TBCD: variants seen among roughly 807,000 people sequenced by gnomAD.
TBCD encodes the protein tubulin folding cofactor D.
A neutral mutation model predicts 169.3 loss-of-function variants in TBCD; 105 were observed. The ratio of observed to expected loss-of-function variants is 0.62; its 90% confidence interval spans 0.53 to 0.73. The LOEUF (loss-of-function observed/expected upper bound fraction) is 0.73. TBCD is among the 30% of genes least tolerant of loss of function. The pLI is 0.00. For missense variants in TBCD, 1,444 were observed against 1,600.1 expected, an observed-to-expected ratio of 0.90 and a Z score of 1.66; for synonymous variants, 700 against 643.9, an observed-to-expected ratio of 1.09 and a Z score of -1.32.
At chr17:82,754,819 G>T (rs777990717) in intron 1 of TBCD, among the ~76,000 whole-genome samples, 1 of 152,252 alleles carries the variant, frequency 6.6e-6, no homozygotes, top group Non-Finnish European at 1.5e-5. Context: ...AGCAGTTTCA[G>T]CTGCTGAGAG....
In TBCD at chr17:82,929,174, G is replaced by A. The variant is rs1172147337; in HGVS notation, c.2755G>A (p.Ala919Thr). ...CAGTGAGAAGATTGACCGTTTCCGT[G>A]CTCACGCCGCCAGCGTGTTCCTGAC... ...QASEKIDRFR[A>T]HAASVFLTLL... Residue 919 changes from alanine (A) to threonine (T), a missense_variant, in exon 31 of 39, where the codon GCT becomes ACT. By Grantham distance (58) the Ala-to-Thr change is moderately conservative (BLOSUM62 0). Coordinates refer to ENST00000355528, the MANE Select transcript of TBCD (RefSeq NM_005993.5). 1 of 1,613,598 alleles carries A rather than the reference G, an allele frequency of 6.2e-7. No individual in the cohort carries two copies. The highest frequency in any genetic ancestry group is 1.1e-5 in the South Asian group (1 of 91,074).
intron 2 of TBCD, among the ~76,000 whole-genome samples, chr17:82,763,225 A>G (rs2047857076): frequency 6.6e-6 from 1 of 152,112 alleles, no homozygotes; most frequent in South Asian, 2.1e-4. Context: ...GTTGGTGTGT[A>G]TACTTACAGA....
intron 23 of TBCD, among the ~76,000 whole-genome samples, chr17:82,917,024 CTTTTTT>C (rs66678293): frequency 9.4e-4 from 123 of 130,894 alleles, no homozygotes; most frequent in Middle Eastern, 8.5e-3. Flanking sequence ...CTTTTCTTTT[CTTTTTT>C]TTTTTTTTGA....
intron 13 of TBCD, chr17:82,830,628 C>T (rs750090135): frequency 9.3e-6 from 15 of 1,613,908 alleles, no homozygotes; most frequent in Non-Finnish European, 1.3e-5. Flanking sequence ...GCCTCGGAGC[C>T]TGGGTGTTAC....
At chr17:82,768,696 TC>T in intron 5 of TBCD, 130 bp downstream of exon 5, 1 of 980,918 alleles carries the variant, frequency 1.0e-6, no homozygotes, top group Non-Finnish European at 1.5e-6. Flanking sequence ...TGGGGTAAAA[TC>T]CCATAGGATA....
At chr17:82,834,339 G>GT (rs2053781132) in intron 13 of TBCD, among the ~76,000 whole-genome samples, 1 of 152,236 alleles carries the variant, frequency 6.6e-6, no homozygotes. Context: ...GACAGGGTGA[G>GT]TGGGAGATGG....
intron 3 of TBCD, among the ~76,000 whole-genome samples, chr17:82,765,596 A>T (rs589978): frequency 1.3e-5 from 2 of 151,928 alleles, no homozygotes; most frequent in Admixed American, 6.6e-5. Flanking sequence ...ACTGCGGGTG[A>T]GCTGCCAAGG....
At chr17:82,911,104 C>T (rs963453309) in intron 22 of TBCD, among the ~76,000 whole-genome samples, 3 of 152,216 alleles carry the variant, frequency 2.0e-5, no homozygotes, top group Non-Finnish European at 4.4e-5. Flanking sequence ...CCTTGGGGTA[C>T]TGGAGGACCC....
At chr17:82,929,336 G>T in intron 31 of TBCD, 26 bp from the exon 32 acceptor site, 1 of 1,610,462 alleles carries the variant, frequency 6.2e-7, no homozygotes. Flanking sequence ...TGGCAGCCCG[G>T]CCTTGTCTCA....
At chr17:82,798,075 C>G (rs1398738467) in intron 8 of TBCD, among the ~76,000 whole-genome samples, 1 of 140,982 alleles carries the variant, frequency 7.1e-6, no homozygotes, top group Admixed American at 7.8e-5. Context: ...GTCCTGGGTT[C>G]AAGCAATTCT....
chr17:82,938,201 G>T, intron 36 of TBCD, 65 bp downstream of exon 36: 1 of 1,504,766 alleles, frequency 6.6e-7, no homozygotes, highest in Non-Finnish European at 9.1e-7. Flanking sequence ...TGACAAGAAG[G>T]CCTTCGCTGG....
At position 82,832,489 on chromosome 17, in the gene TBCD, G is replaced by A. The variant is rs371951699; in HGVS notation, c.1318+17555G>A. ...TATGCCTTGGACTCTGGCTGTCCAG[G>A]TGGCGTGATCACTGTCGACGCCGCG... On this transcript the variant is annotated intron_variant, in intron 13 of 38. Transcript: ENST00000355528. This position sits in a 1 kb window ranked among gnomAD's most constrained non-coding sequence, Gnocchi z 4.9. The A allele has an allele frequency of 4.4e-6, 7 of 1,592,458 alleles. No individual in the cohort carries two copies. The highest frequency in any genetic ancestry group is 3.3e-5 in the Admixed American group (2 of 59,952).
Position 82,766,378 on chromosome 17 carries a change from T to C in TBCD, c.435+10T>C. ...TCCCAAGGACCATGAAGTGAGTGTCTCTGCCTCCCCCCTCGTCTCCAGCCC... is the reference window on the plus strand; with the variant it reads ...TCCCAAGGACCATGAAGTGAGTGTCCCTGCCTCCCCCCTCGTCTCCAGCCC... On this transcript the variant is annotated intron_variant, in intron 4 of 38. Transcript: ENST00000355528. 1 of 1,603,536 alleles carries C rather than the reference T, an allele frequency of 6.2e-7. No homozygotes were observed. Among genetic ancestry groups the C allele is most frequent in the Non-Finnish European group, 8.5e-7 (1 of 1,173,142 alleles).
rs751471421 is a variant in TBCD, at chr17:82,941,429, GC to G, written c.3511del (p.Arg1171AlafsTer110). On this transcript the variant is annotated frameshift_variant, in exon 38 of 39. Coordinates refer to ENST00000355528, the MANE Select transcript of TBCD (RefSeq NM_005993.5). LOFTEE classifies it high-confidence loss of function. Reference protein sequence around the residue: ...DAELAVVREQRNRLCDLLGVP... With the variant: ...DAELAVVREQXNRLCDLLGVP... Reference sequence around the variant, plus strand: ...CGGAGCTTGCAGTGGTGAGAGAGCAGCGCAACCGTCTGTGTGACCTTCTGGG... The same window carrying G: ...CGGAGCTTGCAGTGGTGAGAGAGCAGGCAACCGTCTGTGTGACCTTCTGGG... 6.2e-7 allele frequency: 1 copy of G among 1,601,758 alleles called. No individual in the cohort carries two copies. Among genetic ancestry groups the G allele is most frequent in the South Asian group, 1.1e-5 (1 of 89,286 alleles).
intron 23 of TBCD, chr17:82,913,818 G>C (rs148907630): frequency 6.6e-6 from 1 of 152,348 alleles, no homozygotes; most frequent in South Asian, 2.1e-4. Context: ...GCAGGGCACC[G>C]TTGGCCTGTG....
chr17:82,828,861 T>G (rs1402932751), intron 13 of TBCD, among the ~76,000 whole-genome samples: 3 of 132,116 alleles, frequency 2.3e-5, no homozygotes, highest in African/African-American at 8.8e-5. Flanking sequence ...CTCCCACATA[T>G]GTACACATGC....
chr17:82,937,200 G>A, intron 34 of TBCD, 71 bp from the exon 35 acceptor site: 1 of 1,441,848 alleles, frequency 6.9e-7, no homozygotes, highest in Non-Finnish European at 9.7e-7. Context: ...GACCTTCTTT[G>A]AGACAGAAAA....
intron 7 of TBCD, among the ~76,000 whole-genome samples, chr17:82,787,651 T>C (rs1238995864): frequency 6.6e-6 from 1 of 152,210 alleles, no homozygotes; most frequent in Non-Finnish European, 1.5e-5. Context: ...ATCTGTTTCC[T>C]TTGATGCACT....
At position 82,782,402 on chromosome 17, in the gene TBCD, TTC is replaced by T. The variant is rs1360475479; in HGVS notation, c.771+687_771+688del. On this transcript the variant is annotated intron_variant, in intron 7 of 38. Coordinates refer to ENST00000355528, the MANE Select transcript of TBCD (RefSeq NM_005993.5). This position sits in a 1 kb window ranked among gnomAD's most constrained non-coding sequence, Gnocchi z 5.1. ...TTGGCGTGGTGGGTTCAGCGCCTTC[TTC>T]TCTCTTTAATTACAGCGGGTGAGGC... 6.6e-6 allele frequency among the ~76,000 whole-genome samples: 1 copy of T among 152,240 alleles called. No homozygotes were observed. The highest frequency in any genetic ancestry group is 1.9e-4 in the East Asian group (1 of 5,196).
Sources: allele counts gnomAD v4.1 joint callset (sites outside exome capture counted in the v4.1 genomes callset), GRCh38; gene constraint gnomAD v4.1.1; non-coding constraint Gnocchi (gnomAD v3.1); transcripts MANE v1.5; gene names NCBI Gene and HGNC (gene_info 2026-07-23, HGNC 2026-07-21).